Variants in XYLB observed in about 807,000 individuals in gnomAD.
XYLB encodes the protein xylulokinase.
Under a neutral mutation model 78.7 loss-of-function variants are expected in XYLB, and 62 were observed. The ratio of observed to expected loss-of-function variants is 0.79; its 90% CI spans 0.64 to 0.97. The LOEUF (loss-of-function observed/expected upper bound fraction) is 0.97, where lower values mean the gene tolerates loss of function less well. XYLB is among the 50% of genes least tolerant of loss of function. XYLB has a pLI of 0.00. For synonymous variants in XYLB, 245 were observed against 247.4 expected (o/e 0.99, Z 0.09); for missense variants, 687 against 676.8 (o/e 1.02, Z -0.17).
Position 38,374,502 on chromosome 3 carries a change from G to A in XYLB, c.888G>A (p.Ala296=), listed in dbSNP as rs371569254. 28 of 1,613,750 alleles carry A rather than the reference G, an allele frequency of 1.7e-5. No individual in the cohort carries two copies. The highest frequency in any genetic ancestry group is 2.2e-5 in the South Asian group (2 of 91,064). The change falls in exon 11 of 19, where the codon GCG becomes GCA. Residue 296 remains alanine, a splice_region_variant and synonymous_variant. Coordinates refer to ENST00000207870, the MANE Select transcript of XYLB (RefSeq NM_005108.4). ...TGAGACTGGAGGAAGGTGACATTGC[G>A]GTAAGGCGACTTCCCACACCCATAG... is the stretch of plus-strand genomic sequence containing the variant. ...AGMRLEEGDI[A]VSLGTSDTLF...
At chr3:38,362,692 A>C (rs1706038484) in intron 3 of XYLB, among the ~76,000 whole-genome samples, 1 of 152,178 alleles carries the variant, frequency 6.6e-6, no homozygotes, top group African/African-American at 2.4e-5. Context: ...GTAAAATTTG[A>C]GGATTGGTGG....
intron 13 of XYLB, 149 bp downstream of exon 13, chr3:38,376,381 C>G (rs1706858060): frequency 1.6e-6 from 1 of 641,228 alleles, no homozygotes; most frequent in Admixed American, 2.6e-5. Flanking sequence ...TCCACACATC[C>G]TACAAGCTGG....
chr3:38,445,203 C>A, the XYLB span, among the ~76,000 whole-genome samples: 2 of 152,300 alleles, frequency 1.3e-5, no homozygotes, highest in Admixed American at 6.5e-5. Flanking sequence ...TTTGTCCTTA[C>A]TTCTCATCAT....
the XYLB span, among the ~76,000 whole-genome samples, chr3:38,433,121 C>T: frequency 6.6e-6 from 1 of 152,264 alleles, no homozygotes; most frequent in Non-Finnish European, 1.5e-5. Flanking sequence ...CAATTCTTTA[C>T]TTCTCTGCAC....
intron 17 of XYLB, among the ~76,000 whole-genome samples, chr3:38,398,221 G>T (rs1707968522): frequency 6.6e-6 from 1 of 151,770 alleles, no homozygotes; most frequent in Non-Finnish European, 1.5e-5. Context: ...TGTAATTCCA[G>T]CATTTTGGGA....
the XYLB span, among the ~76,000 whole-genome samples, chr3:38,438,809 C>T: frequency 6.6e-6 from 1 of 152,166 alleles, no homozygotes; most frequent in African/African-American, 2.4e-5. Flanking sequence ...CTGATTGGTC[C>T]ATTTTACAGA....
In XYLB at chr3:38,400,789, G is replaced by A. The variant is rs776339931; in HGVS notation, c.1439-102G>A. 4.4e-6 allele frequency: 4 copies of A among 904,766 alleles called. No homozygotes were observed. The African/African-American group carries it at 6.6e-5, about 15-fold the overall frequency. 56.0% of individuals were successfully genotyped at this position (904,766 alleles called of 1,614,324 possible). A position where few individuals can be genotyped will look rare whatever the true frequency, so the allele number is the denominator to read the frequency against. ...ATTGTGCAACCATCACTATAATCCA[G>A]TTTTAGAACAGTTTGCCACCCCAGT... On this transcript the variant is annotated intron_variant, in intron 17 of 18. Coordinates refer to ENST00000207870, the MANE Select transcript of XYLB (RefSeq NM_005108.4).
At position 38,393,444 on chromosome 3, in the gene XYLB, C is replaced by T. The variant is rs1337609385; in HGVS notation, c.1292-2061C>T. Among the ~76,000 whole-genome samples the T allele has an allele frequency of 2.0e-5, 3 of 152,340 alleles. No individual in the cohort carries two copies. The East Asian group carries it at 5.8e-4, about 29-fold the overall frequency. ...TACAGGCATGAACCATGGCACCTGACCTGCACTCCTGTTTCTACTTCATGG... is the reference window on the plus strand; with the variant it reads ...TACAGGCATGAACCATGGCACCTGATCTGCACTCCTGTTTCTACTTCATGG... On this transcript the variant is annotated intron_variant, in intron 15 of 18. Transcript: ENST00000207870.
At chr3:38,421,893 A>C (rs1310380692), downstream of XYLB, among the ~76,000 whole-genome samples, 3 of 152,178 alleles carry the variant, frequency 2.0e-5, no homozygotes, top group East Asian at 5.8e-4. Flanking sequence ...TAGTTGCCCC[A>C]GTGACTGAGC....
chr3:38,395,005 T>G (rs1392770166), intron 15 of XYLB, among the ~76,000 whole-genome samples: 1 of 152,210 alleles, frequency 6.6e-6, no homozygotes, highest in Non-Finnish European at 1.5e-5. Flanking sequence ...TATCATCTAG[T>G]CTTGGACTTC....
At chr3:38,417,570 C>T (rs992946855), downstream of XYLB, among the ~76,000 whole-genome samples, 2 of 152,124 alleles carry the variant, frequency 1.3e-5, no homozygotes, top group African/African-American at 4.8e-5. Flanking sequence ...GGGCAACAAG[C>T]AGGCATAGTT....
chr3:38,422,167 G>C (rs1363937738), downstream of XYLB, among the ~76,000 whole-genome samples: 1 of 152,208 alleles, frequency 6.6e-6, no homozygotes, highest in African/African-American at 2.4e-5. Flanking sequence ...CCAGCGGTAT[G>C]GCAGGATCAC....
Position 38,372,748 on chromosome 3 carries a change from G to A in XYLB, c.847+12G>A, listed in dbSNP as rs201805019. On this transcript the variant is annotated intron_variant, in intron 10 of 18. Coordinates refer to ENST00000207870, the MANE Select transcript of XYLB (RefSeq NM_005108.4). ...TGGGGACAACCCAGGTGAGTATCTC[G>A]GGGAGTTTCACTCTCCAGTGAGCCT... 26 of 1,613,938 alleles carry A rather than the reference G, an allele frequency of 1.6e-5. No homozygotes were observed. The highest frequency in any genetic ancestry group is 2.1e-5 in the Non-Finnish European group (25 of 1,179,860).
chr3:38,378,806 C>T (rs1575495306), intron 14 of XYLB, among the ~76,000 whole-genome samples: 1 of 149,118 alleles, frequency 6.7e-6, no homozygotes, highest in African/African-American at 2.5e-5. Flanking sequence ...AGCGTAAGCT[C>T]GTGGCTCTCA....
chr3:38,375,247 T>G lies in XYLB; in HGVS notation c.992T>G (p.Met331Arg), dbSNP rs1212037810. 3 of 1,614,096 alleles carry G rather than the reference T, an allele frequency of 1.9e-6. No individual in the cohort carries two copies. In the South Asian group the frequency reaches 3.3e-5, roughly 18 times the overall value. Residue 331 changes from methionine to arginine, a missense_variant, in exon 12 of 19, where the codon ATG (methionine) becomes AGG (arginine). Physicochemically the swap from Met to Arg is moderately conservative, Grantham distance 91. Transcript: ENST00000207870. ...FCNPVDSQHYMALLCFKNGSL... is the reference protein window; with the variant it reads ...FCNPVDSQHYRALLCFKNGSL... ...AACCCGGTTGACTCCCAGCACTACA[T>G]GGCACTCCTGTGGTGAGCTTGGGTG...
intron 15 of XYLB, among the ~76,000 whole-genome samples, chr3:38,385,660 C>T (rs112176171): frequency 6.6e-5 from 10 of 152,312 alleles, no homozygotes; most frequent in South Asian, 4.1e-4. Flanking sequence ...ACTGGCCCCT[C>T]GTCCTTTTGA....
intron 15 of XYLB, among the ~76,000 whole-genome samples, chr3:38,386,725 G>A (rs1020914490): frequency 1.3e-5 from 2 of 152,064 alleles, no homozygotes. Context: ...GAACATGCTT[G>A]CACTACAAGA....
At chr3:38,364,684 C>A (rs1471666299) in intron 4 of XYLB, among the ~76,000 whole-genome samples, 1 of 148,906 alleles carries the variant, frequency 6.7e-6, no homozygotes, top group Non-Finnish European at 1.5e-5. Context: ...TGGTTAGGTG[C>A]CTCTGTTCCC....
chr3:38,389,615 G>A (rs1399723639), intron 15 of XYLB, among the ~76,000 whole-genome samples: 7 of 151,834 alleles, frequency 4.6e-5, no homozygotes, highest in African/African-American at 9.7e-5. Context: ...GCGGCTGGCC[G>A]GGTTTTTTTT....
Sources: gnomAD v4.1 joint callset for allele counts (sites outside exome capture counted in the v4.1 genomes callset) on GRCh38, gnomAD v4.1.1 for gene constraint, MANE v1.5 for transcripts, NCBI Gene and HGNC (gene_info 2026-07-23, HGNC 2026-07-21) for gene names.